Variants in MYO16 observed in about 807,000 individuals in gnomAD.
MYO16 encodes the protein unconventional myosin-XVI.
Under a neutral mutation model 205.3 loss-of-function variants are expected in MYO16, and 94 were observed. The ratio of observed to expected loss-of-function variants is 0.46; its 90% CI spans 0.39 to 0.54. The LOEUF is 0.54. Among genes scored for constraint, MYO16 ranks in the 20% least tolerant of loss-of-function variants. The pLI is 0.00. For missense variants in MYO16, 2,315 were observed against 2,387.5 expected (o/e 0.97, Z 0.63); for synonymous variants, 988 against 954.0 (o/e 1.04, Z -0.66).
At chr13:108,599,617 T>C (rs2139297246) in intron 1 of MYO16, among the ~76,000 whole-genome samples, 1 of 152,238 alleles carries the variant, frequency 6.6e-6, no homozygotes, top group East Asian at 1.9e-4. Flanking sequence ...CCTCCATCCG[T>C]ATGTTTGGAA....
intron 16 of MYO16, among the ~76,000 whole-genome samples, chr13:108,943,521 G>A (rs533905453): frequency 2.6e-5 from 4 of 151,924 alleles, no homozygotes; most frequent in African/African-American, 7.2e-5. Flanking sequence ...GCAGTGACAC[G>A]ATCTCGGCTC....
intron 34 of MYO16, among the ~76,000 whole-genome samples, chr13:109,194,554 G>A (rs1190142065): frequency 6.6e-6 from 1 of 152,110 alleles, no homozygotes; most frequent in East Asian, 1.9e-4. Context: ...ACCTTGAGGG[G>A]GCATCTATCA....
intron 23 of MYO16, among the ~76,000 whole-genome samples, chr13:109,030,978 C>A (rs1359789420): frequency 6.6e-6 from 1 of 152,102 alleles, no homozygotes; most frequent in Non-Finnish European, 1.5e-5. Flanking sequence ...TATCTCAGTA[C>A]CCTGGTTCAC....
chr13:108,787,554 G>A (rs1223190011), intron 5 of MYO16, among the ~76,000 whole-genome samples: 1 of 152,296 alleles, frequency 6.6e-6, no homozygotes, highest in Admixed American at 6.5e-5. Flanking sequence ...GGAAATTTTA[G>A]TATTGCAAGA....
intron 1 of MYO16, among the ~76,000 whole-genome samples, chr13:108,606,465 G>A (rs1878962738): frequency 6.6e-6 from 1 of 152,158 alleles, no homozygotes; most frequent in Non-Finnish European, 1.5e-5. Context: ...GGTACAGCTT[G>A]GGCCTTTGTT....
At chr13:108,501,367 C>G in the MYO16 span, among the ~76,000 whole-genome samples, 1 of 152,170 alleles carries the variant, frequency 6.6e-6, no homozygotes, top group Non-Finnish European at 1.5e-5. Flanking sequence ...GTTATCGTAT[C>G]TCTCCTCTGC....
chr13:108,711,381 A>G (rs1293988492), intron 2 of MYO16, among the ~76,000 whole-genome samples: 1 of 152,260 alleles, frequency 6.6e-6, no homozygotes, highest in Admixed American at 6.5e-5. Context: ...CATCAAAGGA[A>G]AGTCCCTTGG....
At chr13:108,572,832 TA>T in the MYO16 span, among the ~76,000 whole-genome samples, 21 of 152,188 alleles carry the variant, frequency 1.4e-4, no homozygotes, top group Admixed American at 1.2e-3. Flanking sequence ...GTGGTTTTGT[TA>T]ACAAGTTTTT....
At position 109,207,500 on chromosome 13, in the gene MYO16, T is replaced by C. The variant is rs894786242; in HGVS notation, c.*664T>C. On this transcript the variant is annotated 3_prime_UTR_variant, in exon 35 of 35. Coordinates refer to ENST00000457511, the MANE Select transcript of MYO16 (RefSeq NM_001198950.3). ...TTTTAGCTTCGCCAGTGTCACCCCT[T>C]GCAAAACTATGAATTGAGCCCCATG... The C allele has an allele frequency of 2.0e-5, 3 of 152,142 alleles. No homozygotes were observed. Among genetic ancestry groups the C allele is most frequent in the African/African-American group, 7.2e-5 (3 of 41,444 alleles). 9.4% of individuals were successfully genotyped at this position (152,142 alleles called of 1,614,324 possible).
chr13:108,712,086 T>C (rs1883745386), intron 2 of MYO16, among the ~76,000 whole-genome samples: 1 of 152,218 alleles, frequency 6.6e-6, no homozygotes, highest in Non-Finnish European at 1.5e-5. Context: ...ACAGGTCACC[T>C]TTCAACTGTG....
intron 23 of MYO16, among the ~76,000 whole-genome samples, chr13:109,023,345 A>T (rs937716253): frequency 2.4e-3 from 163 of 66,566 alleles, no homozygotes; most frequent in East Asian, 4.3e-3. Context: ...ATATATATTT[A>T]TATATTATAC....
intron 6 of MYO16, among the ~76,000 whole-genome samples, chr13:108,794,559 AAG>A (rs1301365429): frequency 1.3e-5 from 2 of 152,232 alleles, no homozygotes; most frequent in African/African-American, 4.8e-5. Flanking sequence ...TTCTAAATTC[AAG>A]CAAACTCCTG....
At chr13:108,698,440 G>T (rs1883173978) in intron 2 of MYO16, among the ~76,000 whole-genome samples, 1 of 152,132 alleles carries the variant, frequency 6.6e-6, no homozygotes, top group African/African-American at 2.4e-5. Flanking sequence ...GAGGGTTTGG[G>T]AAATCTTGTG....
At chr13:108,694,127 T>C (rs948811936) in intron 2 of MYO16, among the ~76,000 whole-genome samples, 2 of 152,224 alleles carry the variant, frequency 1.3e-5, no homozygotes, top group African/African-American at 4.8e-5. Flanking sequence ...GCATTTAGGT[T>C]GAATCTATAT....
rs1888080126 is a variant in MYO16, at chr13:109,075,797, AC to A, written c.3335+20203del. Among the ~76,000 whole-genome samples, 3 of 152,256 alleles carry A rather than the reference AC, an allele frequency of 2.0e-5. No individual in the cohort carries two copies. The South Asian group carries it at 6.2e-4, about 32-fold the overall frequency. On this transcript the variant is annotated intron_variant, in intron 27 of 34. Coordinates refer to ENST00000457511, the MANE Select transcript of MYO16 (RefSeq NM_001198950.3). ...TTCGAGTTCTTTATATATTCTGAAG[AC>A]ACATGTGTATTGGATATTCAATTGG...
chr13:109,176,677 C>T (rs955935180), intron 33 of MYO16, among the ~76,000 whole-genome samples: 4 of 147,126 alleles, frequency 2.7e-5, no homozygotes, highest in Admixed American at 6.9e-5. Flanking sequence ...CTGCGTTGGC[C>T]GTGATGAGGA....
intron 1 of MYO16, among the ~76,000 whole-genome samples, chr13:108,612,949 A>G (rs1879227788): frequency 6.6e-6 from 1 of 152,216 alleles, no homozygotes; most frequent in African/African-American, 2.4e-5. Flanking sequence ...TTATTCCAAC[A>G]CAAAGACTCT....
rs908714428 is a variant in MYO16, at chr13:109,140,636, A to G, written c.4424A>G (p.His1475Arg). 30 of 1,515,832 alleles carry G rather than the reference A, an allele frequency of 2.0e-5. No individual in the cohort carries two copies. The highest frequency in any genetic ancestry group is 4.3e-5 in the African/African-American group (3 of 69,310). 93.9% of individuals were successfully genotyped at this position (1,515,832 alleles called of 1,614,324 possible). ...GGPGAGSFLLHGASPPLLHRA... is the reference protein window; with the variant it reads ...GGPGAGSFLLRGASPPLLHRA... ...CCGGGCGCGGGCTCCTTCCTGCTCC[A>G]CGGCGCATCGCCGCCCCTGCTCCAC... The change falls in exon 32 of 35, where the codon CAC becomes CGC. Residue 1475 changes from histidine (H) to arginine (R), a missense_variant. Transcript: ENST00000457511. This position sits in a 1 kb window ranked among gnomAD's most constrained non-coding sequence, Gnocchi z 8.0.
In MYO16 at chr13:109,125,335, C is replaced by A. The variant is rs778780925; in HGVS notation, c.3759C>A (p.Asn1253Lys). 3.7e-6 allele frequency: 6 copies of A among 1,614,062 alleles called. No individual in the cohort carries two copies. The highest frequency in any genetic ancestry group is 1.7e-6 in the Non-Finnish European group (2 of 1,180,006). The change falls in exon 30 of 35, where the codon AAC (asparagine) becomes AAA (lysine). Residue 1253 changes from asparagine (N) to lysine (K), a missense_variant. Coordinates refer to ENST00000457511, the MANE Select transcript of MYO16 (RefSeq NM_001198950.3). This position sits in a 1 kb window ranked among gnomAD's most constrained non-coding sequence, Gnocchi z 4.0. ...PYHKEKLEVR[N>K]MQEEGSKRTD... ...ATAAAGAGAAGTTAGAGGTCAGGAA[C>A]ATGCAAGAGGAAGGAAGCAAAAGGT...
Sources: gnomAD v4.1 joint callset for allele counts (sites outside exome capture counted in the v4.1 genomes callset) on GRCh38, gnomAD v4.1.1 for gene constraint, Gnocchi (gnomAD v3.1) non-coding constraint, MANE v1.5 for transcripts, NCBI Gene and HGNC (gene_info 2026-07-23, HGNC 2026-07-21) for gene names.